The following GATAD2B variants were observed in gnomAD, a reference collection of about 807,000 sequenced individuals.
GATAD2B encodes the protein GATA zinc finger domain containing 2B.
Under a neutral mutation model 64.3 loss-of-function variants are expected in GATAD2B, and 8 were observed. The ratio of observed to expected loss-of-function variants is 0.12; its 90% CI spans 0.07 to 0.22. GATAD2B has a LOEUF of 0.22. Among genes scored for constraint, GATAD2B ranks in the 10% least tolerant of loss-of-function variants. The pLI is 1.00. For synonymous variants in GATAD2B, 281 were observed against 271.3 expected (o/e 1.04, Z -0.35); for missense variants, 453 against 752.0 (o/e 0.60, Z 4.65).
chr1:153,828,408 A>C (rs1674957423), intron 1 of GATAD2B, 60 bp from the exon 2 acceptor site: 1 of 1,257,290 alleles, frequency 8.0e-7, no homozygotes, highest in Admixed American at 2.0e-5. Flanking sequence ...TCCATTTTTA[A>C]AAAGGTGGAA....
intron 1 of GATAD2B, among the ~76,000 whole-genome samples, chr1:153,850,619 T>G (rs1475110432): frequency 2.0e-5 from 3 of 151,994 alleles, no homozygotes; most frequent in Non-Finnish European, 4.4e-5. Flanking sequence ...CATACTTAAT[T>G]TTTAAAAAAT....
intron 1 of GATAD2B, among the ~76,000 whole-genome samples, chr1:153,849,018 GGT>G (rs1675791314): frequency 6.6e-6 from 1 of 151,776 alleles, no homozygotes; most frequent in Non-Finnish European, 1.5e-5. Context: ...GGGGTATGTG[GGT>G]GTGTGTGTTC....
chr1:153,863,561 A>G (rs1676383398), intron 1 of GATAD2B, among the ~76,000 whole-genome samples: 1 of 151,976 alleles, frequency 6.6e-6, no homozygotes, highest in African/African-American at 2.4e-5. Context: ...ACATAATTAA[A>G]TAAAGGAATA....
intron 1 of GATAD2B, among the ~76,000 whole-genome samples, chr1:153,834,124 T>G (rs1047278899): frequency 2.0e-5 from 3 of 152,004 alleles, no homozygotes; most frequent in East Asian, 2.0e-4. Context: ...TGCCTCAGCC[T>G]TCCGTGCAGC....
At chr1:153,819,356 G>C (rs186687884) in intron 3 of GATAD2B, among the ~76,000 whole-genome samples, 1 of 152,084 alleles carries the variant, frequency 6.6e-6, no homozygotes. Flanking sequence ...ATGAACTTTT[G>C]TTTTCATTTT....
chr1:153,875,605 T>C (rs1260115819), intron 1 of GATAD2B, among the ~76,000 whole-genome samples: 1 of 147,330 alleles, frequency 6.8e-6, no homozygotes, highest in Admixed American at 7.1e-5. Flanking sequence ...AAATTTCATT[T>C]ACCAAAACAA....
At chr1:153,884,080 T>C (rs569923711) in intron 1 of GATAD2B, among the ~76,000 whole-genome samples, 24 of 151,754 alleles carry the variant, frequency 1.6e-4, no homozygotes, top group African/African-American at 4.8e-4. Flanking sequence ...GCAGACCACC[T>C]GAGGCCCGGA....
intron 1 of GATAD2B, among the ~76,000 whole-genome samples, chr1:153,920,904 G>T (rs959873165): frequency 2.6e-5 from 4 of 151,998 alleles, no homozygotes; most frequent in African/African-American, 9.7e-5. Context: ...ATTCATATAA[G>T]CTATCTGCTT....
intron 1 of GATAD2B, among the ~76,000 whole-genome samples, chr1:153,916,884 C>T (rs1678283051): frequency 6.6e-6 from 1 of 152,194 alleles, no homozygotes; most frequent in Non-Finnish European, 1.5e-5. Flanking sequence ...TCTCGGCTCA[C>T]TGCAACCTCT....
chr1:153,834,600 G>C (rs548800784), intron 1 of GATAD2B, among the ~76,000 whole-genome samples: 1 of 151,570 alleles, frequency 6.6e-6, no homozygotes, highest in Non-Finnish European at 1.5e-5. Flanking sequence ...ATGTTGGTCA[G>C]GCTGGTCTCG....
chr1:153,847,018 G>A (rs770974987), intron 1 of GATAD2B, among the ~76,000 whole-genome samples: 2 of 152,118 alleles, frequency 1.3e-5, no homozygotes, highest in Non-Finnish European at 2.9e-5. Flanking sequence ...AGGTTGGAGT[G>A]CGATGGCACA....
rs1238985240 is a variant in GATAD2B, at chr1:153,808,878, C to G, written c.*1299G>C. The G allele has an allele frequency of 6.7e-6, 1 of 150,276 alleles. No individual in the cohort carries two copies. The highest frequency in any genetic ancestry group is 2.0e-4 in the East Asian group (1 of 5,086). The allele number at this position is 150,276 out of a possible 1,614,324, so 9.3% of individuals were successfully genotyped here. A position where few individuals can be genotyped will look rare whatever the true frequency, so the allele number is the denominator to read the frequency against. On this transcript the variant is annotated 3_prime_UTR_variant, in exon 11 of 11. Transcript: ENST00000368655. The stretch of plus-strand genomic sequence containing the variant: ...GGGCAGTGGGAAGCAACTATTTGTA[C>G]AGCAGAGGTCCTAAGCTGGTTTTGC...
At chr1:153,852,956 T>C in intron 1 of GATAD2B, 1 of 886,762 alleles carries the variant, frequency 1.1e-6, no homozygotes. Flanking sequence ...ATGCTGCCAC[T>C]GACACAGACT....
intron 2 of GATAD2B, among the ~76,000 whole-genome samples, chr1:153,822,257 T>G (rs1674708333): frequency 6.6e-6 from 1 of 152,162 alleles, no homozygotes; most frequent in African/African-American, 2.4e-5. Flanking sequence ...AGAAGCTCTT[T>G]CTATTCTGGT....
chr1:153,845,654 G>C (rs1275263367), intron 1 of GATAD2B, among the ~76,000 whole-genome samples: 1 of 146,046 alleles, frequency 6.8e-6, no homozygotes, highest in Admixed American at 6.8e-5. Context: ...GGGGCTGCAA[G>C]GGGGGGTGAG....
intron 1 of GATAD2B, among the ~76,000 whole-genome samples, chr1:153,898,341 AAAAC>A (rs1184417890): frequency 7.6e-5 from 11 of 145,560 alleles, no homozygotes; most frequent in Admixed American, 6.0e-4. Context: ...AGAAAAAAGA[AAAAC>A]AAAAACAAAA....
At chr1:153,868,202 C>CA (rs201284733) in intron 1 of GATAD2B, among the ~76,000 whole-genome samples, 4,783 of 147,090 alleles carry the variant, frequency 0.033, 262 homozygotes, top group African/African-American at 0.11. Context: ...GACTCCATCT[C>CA]AAAAAAAAAT....
rs886242140 is a variant in GATAD2B, at chr1:153,810,297, T to C, written c.1662A>G (p.Ala554=). ...GTCCTCCGATGCCAGTATTCAAGTA[T>C]GCAATGTTGACACCTGGACCCAGGA... ...GLLGMPGVNI[A]YLNTGIGGHK... Residue 554 remains alanine, a synonymous_variant, in exon 11 of 11, where the codon GCA becomes GCG. Transcript: ENST00000368655. 3.1e-6 allele frequency: 5 copies of C among 1,613,030 alleles called. No homozygotes were observed. The highest frequency in any genetic ancestry group is 4.2e-6 in the Non-Finnish European group (5 of 1,179,736).
intron 1 of GATAD2B, among the ~76,000 whole-genome samples, chr1:153,844,826 T>G: frequency 6.7e-6 from 1 of 148,316 alleles, no homozygotes; most frequent in Admixed American, 6.8e-5. Context: ...GACGAGTTAG[T>G]GGGTGCAGCC....
Sources: allele counts gnomAD v4.1 joint callset (sites outside exome capture counted in the v4.1 genomes callset), GRCh38; gene constraint gnomAD v4.1.1; transcripts MANE v1.5; gene names NCBI Gene and HGNC (gene_info 2026-07-23, HGNC 2026-07-21).